The following PTCSC3 variants were observed in gnomAD, a reference collection of about 807,000 sequenced individuals.
PTCSC3 encodes the protein papillary thyroid carcinoma susceptibility candidate 3 (non-protein coding).
rs1193659994 is a variant in PTCSC3, at chr14:36,138,464, A to G, written n.323-2108T>C. 2.6e-5 allele frequency among the ~76,000 whole-genome samples: 4 copies of G among 152,244 alleles called. No homozygotes were observed. In the East Asian group the frequency reaches 5.8e-4, roughly 22 times the overall value. The stretch of plus-strand genomic sequence containing the variant: ...TATAACATTTCTTTATGTATTTTGG[A>G]TATAAAACCTTTGTCAGTTATAACT... On this transcript the variant is annotated intron_variant and non_coding_transcript_variant, in intron 3 of 3. Transcript: ENST00000556013.
intron 2 of PTCSC3, among the ~76,000 whole-genome samples, chr14:36,156,852 T>C (rs1355021702): frequency 6.6e-6 from 1 of 152,190 alleles, no homozygotes; most frequent in Admixed American, 6.5e-5. Context: ...TTTGCTGTTG[T>C]GAACAGTGCC....
chr14:36,172,840 C>A (rs550362350), intron 1 of PTCSC3, among the ~76,000 whole-genome samples: 1 of 152,232 alleles, frequency 6.6e-6, no homozygotes, highest in Non-Finnish European at 1.5e-5. Flanking sequence ...AGCCTCCCAG[C>A]CCTCTGAATT....
chr14:36,149,292 A>G (rs1881669036), intron 3 of PTCSC3, among the ~76,000 whole-genome samples: 2 of 152,072 alleles, frequency 1.3e-5, no homozygotes, highest in Admixed American at 1.3e-4. Context: ...TTTGAGATCC[A>G]TCTCGATATT....
chr14:36,156,260 AT>A (rs1232179848), intron 2 of PTCSC3, among the ~76,000 whole-genome samples: 3 of 152,202 alleles, frequency 2.0e-5, no homozygotes, highest in Non-Finnish European at 4.4e-5. Context: ...GTTTCAAAAG[AT>A]AACAATATAT....
chr14:36,172,795 A>T (rs987328507), intron 1 of PTCSC3, among the ~76,000 whole-genome samples: 1 of 152,016 alleles, frequency 6.6e-6, no homozygotes, highest in African/African-American at 2.4e-5. Context: ...GTAACTTAGG[A>T]TTTCTGTCAA....
intron 1 of PTCSC3, among the ~76,000 whole-genome samples, chr14:36,174,374 A>G (rs1882245343): frequency 6.6e-6 from 1 of 152,112 alleles, no homozygotes; most frequent in African/African-American, 2.4e-5. Flanking sequence ...TTCAGTTACT[A>G]TACTTTTCAG....
At chr14:36,169,232 A>G (rs945352746) in intron 1 of PTCSC3, among the ~76,000 whole-genome samples, 2 of 152,104 alleles carry the variant, frequency 1.3e-5, no homozygotes, top group Non-Finnish European at 2.9e-5. Flanking sequence ...TAAATTTTTA[A>G]ATCTATGGAA....
At chr14:36,164,804 T>G (rs1464848195) in intron 1 of PTCSC3, among the ~76,000 whole-genome samples, 1 of 152,230 alleles carries the variant, frequency 6.6e-6, no homozygotes, top group Non-Finnish European at 1.5e-5. Flanking sequence ...AAGAGATTCC[T>G]GTAGAACATT....
At chr14:36,145,973 T>G (rs1289248948) in intron 3 of PTCSC3, among the ~76,000 whole-genome samples, 1 of 152,196 alleles carries the variant, frequency 6.6e-6, no homozygotes, top group African/African-American at 2.4e-5. Context: ...TGAGCGGTTT[T>G]GAGTAAGATT....
intron 2 of PTCSC3, among the ~76,000 whole-genome samples, chr14:36,161,967 C>T (rs1442522789): frequency 2.0e-5 from 3 of 152,118 alleles, no homozygotes; most frequent in African/African-American, 7.2e-5. Context: ...CTGCGGTGGG[C>T]GTCTCCAAGT....
intron 3 of PTCSC3, among the ~76,000 whole-genome samples, chr14:36,148,207 G>A (rs567056190): frequency 7.9e-5 from 12 of 152,156 alleles, no homozygotes; most frequent in East Asian, 5.8e-4. Context: ...TGAGCTTCCC[G>A]GCTGCTTTGT....
At chr14:36,170,445 A>G (rs1882170321) in intron 1 of PTCSC3, among the ~76,000 whole-genome samples, 1 of 152,126 alleles carries the variant, frequency 6.6e-6, no homozygotes, top group African/African-American at 2.4e-5. Context: ...CATTCCTTAA[A>G]TATACCCTAC....
intron 1 of PTCSC3, among the ~76,000 whole-genome samples, chr14:36,163,447 C>T (rs2139108547): frequency 6.6e-6 from 1 of 150,430 alleles, no homozygotes; most frequent in East Asian, 2.0e-4. Flanking sequence ...CAAAGAAATA[C>T]ATTAAGGAAC....
At chr14:36,143,477 T>C (rs1188160210) in intron 3 of PTCSC3, among the ~76,000 whole-genome samples, 7 of 140,752 alleles carry the variant, frequency 5.0e-5, no homozygotes, top group Non-Finnish European at 7.7e-5. Context: ...TGTCTGTTCA[T>C]GTCCTTCGCC....
chr14:36,167,049 T>C (rs1882102199), intron 1 of PTCSC3, among the ~76,000 whole-genome samples: 1 of 152,244 alleles, frequency 6.6e-6, no homozygotes, highest in South Asian at 2.1e-4. Flanking sequence ...TGGGATAGAA[T>C]GACTTTCATG....
chr14:36,176,470 C>T (rs1240201835), upstream of PTCSC3: 2 of 151,952 alleles, frequency 1.3e-5, no homozygotes, highest in Non-Finnish European at 2.9e-5. Context: ...TCCTCTTTCT[C>T]TATTCCTCTT....
intron 3 of PTCSC3, among the ~76,000 whole-genome samples, chr14:36,146,349 T>C (rs1290204399): frequency 6.7e-6 from 1 of 148,848 alleles, no homozygotes; most frequent in African/African-American, 2.5e-5. Flanking sequence ...GGTGCTCCTA[T>C]ATTGGGTGCA....
intron 1 of PTCSC3, among the ~76,000 whole-genome samples, chr14:36,168,359 GAATATATATATA>G (rs917958451): frequency 8.8e-5 from 5 of 56,960 alleles, no homozygotes; most frequent in East Asian, 4.2e-4. Context: ...TATTGATTCT[GAATATATATATA>G]TATATATATA....
chr14:36,151,940 G>C (rs1881732654), intron 3 of PTCSC3, among the ~76,000 whole-genome samples: 1 of 152,170 alleles, frequency 6.6e-6, no homozygotes, highest in Non-Finnish European at 1.5e-5. Flanking sequence ...GTCTTTTGGA[G>C]GGAAAACTCA....
Sources: allele counts gnomAD v4.1 joint callset (sites outside exome capture counted in the v4.1 genomes callset), GRCh38; gene constraint gnomAD v4.1.1; transcripts MANE v1.5; gene names NCBI Gene and HGNC (gene_info 2026-07-23, HGNC 2026-07-21).